The following PARD3 variants were observed in gnomAD, a reference collection of about 807,000 sequenced individuals.
The protein encoded by PARD3 is partitioning defective 3 homolog.
In PARD3, 75 loss-of-function variants were observed where a neutral mutation model predicts 155.4. The ratio of observed to expected loss-of-function variants is 0.48; its 90% CI spans 0.40 to 0.58. The LOEUF is 0.58. Among genes scored for constraint, PARD3 ranks in the 20% least tolerant of loss-of-function variants. PARD3 has a pLI of 0.00. For synonymous variants in PARD3, 576 were observed against 610.5 expected (o/e 0.94, Z 0.83); for missense variants, 1,642 against 1,721.7 (o/e 0.95, Z 0.82).
intron 2 of PARD3, among the ~76,000 whole-genome samples, chr10:34,566,135 C>T (rs2085923130): frequency 6.6e-6 from 1 of 152,194 alleles, no homozygotes; most frequent in Non-Finnish European, 1.5e-5. Flanking sequence ...GTTACCACCA[C>T]AACCAACAAA....
intron 22 of PARD3, among the ~76,000 whole-genome samples, chr10:34,167,661 GAATAA>G (rs1220247317): frequency 5.9e-5 from 9 of 152,048 alleles, no homozygotes; most frequent in African/African-American, 7.2e-5. Context: ...AAGCAGAACC[GAATAA>G]AATAGAAAAA....
At chr10:34,714,632 T>C (rs1015225984) in intron 1 of PARD3, among the ~76,000 whole-genome samples, 1 of 152,036 alleles carries the variant, frequency 6.6e-6, no homozygotes, top group Non-Finnish European at 1.5e-5. Flanking sequence ...TGAGGTGGAG[T>C]TCCCATCTCC....
intron 21 of PARD3, 98 bp from the exon 22 acceptor site, chr10:34,269,997 A>G (rs1955536059): frequency 8.3e-7 from 1 of 1,204,830 alleles, no homozygotes; most frequent in Non-Finnish European, 1.2e-6. Context: ...AATATATTTG[A>G]TTTCTTGCAG....
chr10:34,471,567 CT>C (rs1446982022), intron 3 of PARD3, among the ~76,000 whole-genome samples: 4 of 152,270 alleles, frequency 2.6e-5, no homozygotes, highest in African/African-American at 2.4e-5. Context: ...GACTGATTGA[CT>C]GGTTGAGACA....
chr10:34,486,807 G>A (rs538947774), intron 3 of PARD3, among the ~76,000 whole-genome samples: 45 of 151,682 alleles, frequency 3.0e-4, no homozygotes, highest in Non-Finnish European at 5.4e-4. Flanking sequence ...TGAGCAGCAG[G>A]GCTATGTCAT....
intron 1 of PARD3, among the ~76,000 whole-genome samples, chr10:34,778,201 T>C (rs547890125): frequency 8.5e-5 from 13 of 152,264 alleles, no homozygotes; most frequent in African/African-American, 2.9e-4. Flanking sequence ...TCCAAGCCAA[T>C]GTGTGTGGCT....
In PARD3 at chr10:34,378,006, A is replaced by C; in HGVS notation, c.1500T>G (p.Ile500Met). ...CTCCTGCCTTAAGTCGGCCATCCTG[A>C]ATGGCCGCCCCCCGGGGGAGAATGT... ...VKNILPRGAA[I>M]QDGRLKAGDR... Residue 500 changes from isoleucine to methionine, a missense_variant, in exon 10 of 25, where the codon ATT becomes ATG. By Grantham distance (10) the Ile-to-Met change is conservative. This residue lies in a region of PARD3 where 1,529 missense variants were observed against 1,587.3 expected (regional missense o/e 0.96). Transcript: ENST00000374788. The C allele has an allele frequency of 1.9e-6, 3 of 1,587,006 alleles. No homozygotes were observed. In the South Asian group the frequency reaches 3.4e-5, roughly 18 times the overall value.
At chr10:34,433,944 T>C (rs186084804) in intron 5 of PARD3, among the ~76,000 whole-genome samples, 10 of 152,188 alleles carry the variant, frequency 6.6e-5, no homozygotes, top group African/African-American at 2.2e-4. Context: ...GAGGAACAGA[T>C]ATGGGTCCTG....
chr10:34,274,305 G>A (rs746535985), intron 21 of PARD3, among the ~76,000 whole-genome samples: 18 of 152,128 alleles, frequency 1.2e-4, no homozygotes, highest in Non-Finnish European at 2.1e-4. Flanking sequence ...GAGCAATTAT[G>A]ACAGTTAAGG....
chr10:34,660,046 CAT>C (rs1564472113), intron 2 of PARD3, among the ~76,000 whole-genome samples: 2 of 152,166 alleles, frequency 1.3e-5, no homozygotes, highest in South Asian at 2.1e-4. Context: ...AGGCAGAAAA[CAT>C]ATTAATTTAA....
chr10:34,351,872 C>T (rs192059548), intron 14 of PARD3, among the ~76,000 whole-genome samples: 1 of 152,336 alleles, frequency 6.6e-6, no homozygotes, highest in Admixed American at 6.5e-5. Context: ...TAAAGCAAAT[C>T]ATTTGACCTC....
At chr10:34,210,751 C>T (rs1200621583) in intron 22 of PARD3, among the ~76,000 whole-genome samples, 2 of 152,126 alleles carry the variant, frequency 1.3e-5, no homozygotes, top group African/African-American at 2.4e-5. Flanking sequence ...AATAGGGTGT[C>T]TGGGATGATT....
chr10:34,587,474 T>C (rs999163121), intron 2 of PARD3, among the ~76,000 whole-genome samples: 2 of 152,148 alleles, frequency 1.3e-5, no homozygotes, highest in Non-Finnish European at 2.9e-5. Context: ...TGAATGTTGC[T>C]CCCAGAGTTA....
intron 22 of PARD3, among the ~76,000 whole-genome samples, chr10:34,264,731 C>T (rs1392385724): frequency 1.4e-5 from 2 of 144,900 alleles, no homozygotes; most frequent in Non-Finnish European, 3.0e-5. Context: ...ACTCTGCTAG[C>T]CAGAAAAAAA....
At chr10:34,473,276 AC>A (rs1373276449) in intron 3 of PARD3, among the ~76,000 whole-genome samples, 1 of 152,206 alleles carries the variant, frequency 6.6e-6, no homozygotes, top group African/African-American at 2.4e-5. Context: ...CTACCTCGTC[AC>A]TGAGTACTCC....
chr10:34,337,259 T>C lies in PARD3; in HGVS notation c.2560+16A>G. The C allele has an allele frequency of 6.7e-7, 1 of 1,497,218 alleles. No homozygotes were observed. The highest frequency in any genetic ancestry group is 9.0e-7 in the Non-Finnish European group (1 of 1,113,264). 92.7% of individuals were successfully genotyped at this position (1,497,218 alleles called of 1,614,324 possible). On this transcript the variant is annotated intron_variant, in intron 17 of 24. Transcript: ENST00000374788. ...TAAAACTTATTTAGATAAAGATTCATGGAGATTGTACTCACTACCTAAATC... is the reference window on the plus strand; with the variant it reads ...TAAAACTTATTTAGATAAAGATTCACGGAGATTGTACTCACTACCTAAATC...
At chr10:34,687,359 C>G (rs2093968738) in intron 2 of PARD3, among the ~76,000 whole-genome samples, 1 of 152,028 alleles carries the variant, frequency 6.6e-6, no homozygotes, top group African/African-American at 2.4e-5. Context: ...CCTGTGATCC[C>G]CAATAAGTTT....
intron 12 of PARD3, among the ~76,000 whole-genome samples, chr10:34,364,615 G>C (rs1048392689): frequency 6.6e-6 from 1 of 151,820 alleles, no homozygotes; most frequent in African/African-American, 2.4e-5. Flanking sequence ...TCTCTTTTTT[G>C]TAGAGACAGG....
chr10:34,551,250 C>A (rs1181268187), intron 2 of PARD3, among the ~76,000 whole-genome samples: 1 of 152,106 alleles, frequency 6.6e-6, no homozygotes, highest in South Asian at 2.1e-4. Context: ...CCCTGTTCAG[C>A]CCCTCCAGGA....
Sources: allele counts gnomAD v4.1 joint callset (sites outside exome capture counted in the v4.1 genomes callset), GRCh38; gene constraint gnomAD v4.1.1; regional missense constraint gnomAD v4.1.1; transcripts MANE v1.5; gene names NCBI Gene and HGNC (gene_info 2026-07-23, HGNC 2026-07-21).